The following CAMK1 variants were observed in gnomAD, a reference collection of about 807,000 sequenced individuals.
The protein encoded by CAMK1 is calcium/calmodulin dependent protein kinase I, also known as calcium/calmodulin-dependent protein kinase type 1.
Under a neutral mutation model 49.1 loss-of-function variants are expected in CAMK1, and 39 were observed. That is an observed-to-expected ratio of 0.79 (90% CI 0.62 to 1.04). CAMK1 has a LOEUF of 1.04. Ranked by LOEUF, CAMK1 falls within the 50% of genes least tolerant of loss-of-function variation. The probability of loss-of-function intolerance (pLI) is 0.00; values close to 1 mark genes in which losing one functional copy is unlikely to be tolerated. For missense variants in CAMK1, 457 were observed against 472.2 expected (o/e 0.97, Z 0.30); for synonymous variants, 192 against 185.2 (o/e 1.04, Z -0.30).
At chr3:9,761,172 G>C in intron 7 of CAMK1, 1 of 382,422 alleles carries the variant, frequency 2.6e-6, no homozygotes, top group African/African-American at 2.0e-5. Flanking sequence ...TCAGTTTGTA[G>C]ATTTATTTAC....
chr3:9,759,158 T>C, intron 10 of CAMK1: 1 of 1,535,328 alleles, frequency 6.5e-7, no homozygotes, highest in Non-Finnish European at 9.0e-7. Flanking sequence ...TATTCCGCTA[T>C]GCCTCACTAA....
At chr3:9,767,469 C>T (rs1001531576) in intron 2 of CAMK1, among the ~76,000 whole-genome samples, 198 bp downstream of exon 2, 2 of 152,202 alleles carry the variant, frequency 1.3e-5, no homozygotes, top group African/African-American at 4.8e-5. Flanking sequence ...CTTCAAGAAC[C>T]CAGGGCTATT....
At chr3:9,759,914 A>T (rs2077768049) in intron 8 of CAMK1, 164 bp from the exon 9 acceptor site, 4 of 1,090,000 alleles carry the variant, frequency 3.7e-6, no homozygotes, top group African/African-American at 1.6e-5. Context: ...AGGCCCTCCC[A>T]CCCCGTGCCT....
Position 9,760,764 on chromosome 3 carries a change from A to T in CAMK1, c.637T>A (p.Cys213Ser), listed in dbSNP as rs2077822299. Residue 213 changes from cysteine to serine, a missense_variant, in exon 8 of 12, where the codon TGC becomes AGC. Transcript: ENST00000256460. The stretch of plus-strand genomic sequence containing the variant: ...TCGTCATAGAAGGGAGGGTAACCGC[A>T]GAGCCTGGGCAGGGAGAAACTCATC... ...SIGVIAYILL[C>S]GYPPFYDEND... 1.2e-6 allele frequency: 2 copies of T among 1,614,034 alleles called. No homozygotes were observed. Among genetic ancestry groups the T allele is most frequent in the Non-Finnish European group, 1.7e-6 (2 of 1,179,920 alleles).
In CAMK1 at chr3:9,761,768, A is replaced by G; in HGVS notation, c.430-11T>C. On this transcript the variant is annotated splice_polypyrimidine_tract_variant and intron_variant, in intron 5 of 11. Coordinates refer to ENST00000256460, the MANE Select transcript of CAMK1 (RefSeq NM_003656.5). Reference sequence around the variant, plus strand: ...CAGCAGATTCTCTGGCTTGAAGGGCAGGAGGGAAGAGAAGGGGCAATCAGA... The same window carrying G: ...CAGCAGATTCTCTGGCTTGAAGGGCGGGAGGGAAGAGAAGGGGCAATCAGA... 1 of 1,613,742 alleles carries G rather than the reference A, an allele frequency of 6.2e-7. No individual in the cohort carries two copies. Among genetic ancestry groups the G allele is most frequent in the East Asian group, 2.2e-5 (1 of 44,886 alleles).
At chr3:9,760,893 C>G in intron 7 of CAMK1, 125 bp from the exon 8 acceptor site, 5 of 1,374,412 alleles carry the variant, frequency 3.6e-6, no homozygotes. Flanking sequence ...ATAAACTCTA[C>G]CAGCCCTGCC....
chr3:9,769,471 C>A (rs932675712), intron 1 of CAMK1, among the ~76,000 whole-genome samples: 4 of 151,978 alleles, frequency 2.6e-5, no homozygotes, highest in Non-Finnish European at 2.9e-5. Flanking sequence ...GAACAAAAAA[C>A]ACACAGATTC....
intron 10 of CAMK1, chr3:9,759,054 G>C (rs1575220411): frequency 2.5e-6 from 2 of 784,400 alleles, no homozygotes; most frequent in Non-Finnish European, 4.6e-6. Context: ...CCCCTTACCT[G>C]CTTCTCTAAA....
intron 3 of CAMK1, among the ~76,000 whole-genome samples, chr3:9,765,100 G>A (rs192709991): frequency 2.3e-4 from 35 of 151,808 alleles, no homozygotes; most frequent in African/African-American, 3.9e-4. Flanking sequence ...GGTGGCAGGT[G>A]CCTGTAATCC....
At chr3:9,760,907 T>G in intron 7 of CAMK1, 139 bp from the exon 8 acceptor site, 1 of 1,261,026 alleles carries the variant, frequency 7.9e-7, no homozygotes. Context: ...CCCTGCCTGC[T>G]CACTCCTGTT....
chr3:9,761,080 A>C, intron 7 of CAMK1: 2 of 354,564 alleles, frequency 5.6e-6, no homozygotes, highest in Non-Finnish European at 1.0e-5. Flanking sequence ...CCCTTCCCTG[A>C]CCTCCCTACT....
intron 3 of CAMK1, among the ~76,000 whole-genome samples, chr3:9,764,790 G>A (rs534986833): frequency 2.6e-5 from 4 of 151,748 alleles, no homozygotes; most frequent in East Asian, 2.0e-4. Flanking sequence ...GTGCCACCAC[G>A]CCTGGCTAAT....
Position 9,762,913 on chromosome 3 carries a change from C to T in CAMK1, c.429+1G>A. On this transcript the variant is annotated splice_donor_variant, in intron 5 of 11. Transcript: ENST00000256460. LOFTEE classifies it high-confidence loss of function. ...GCTCACCACACCCCCTTGAGCCCCA[C>T]CTTGAGATCCCGGTGTACAATGCCC... The T allele has an allele frequency of 1.2e-6, 2 of 1,614,100 alleles. No homozygotes were observed. The highest frequency in any genetic ancestry group is 1.7e-4 in the Middle Eastern group (1 of 6,036).
chr3:9,763,725 C>A (rs1045876426), intron 3 of CAMK1, among the ~76,000 whole-genome samples: 1 of 152,202 alleles, frequency 6.6e-6, no homozygotes, highest in Non-Finnish European at 1.5e-5. Context: ...GAGACTCACA[C>A]CTGTAATCCC....
At chr3:9,759,303 G>A in intron 10 of CAMK1, 185 bp downstream of exon 10, 1 of 1,587,800 alleles carries the variant, frequency 6.3e-7, no homozygotes, top group Non-Finnish European at 8.7e-7. Context: ...GACCCTCTCT[G>A]GAATAGAGAA....
chr3:9,761,752 C>T lies in CAMK1; in HGVS notation c.435G>A (p.Glu145=). 1 of 1,614,028 alleles carries T rather than the reference C, an allele frequency of 6.2e-7. No homozygotes were observed. The highest frequency in any genetic ancestry group is 2.2e-5 in the East Asian group (1 of 44,854). The change falls in exon 6 of 12, where the codon GAG becomes GAA. Residue 145 remains glutamate, a synonymous_variant. Transcript: ENST00000256460. Reference sequence around the variant, plus strand: ...CATCCAGGCTGTAGTACAGCAGATTCTCTGGCTTGAAGGGCAGGAGGGAAG... The same window carrying T: ...CATCCAGGCTGTAGTACAGCAGATTTTCTGGCTTGAAGGGCAGGAGGGAAG... ...LGIVHRDLKP[E]NLLYYSLDED...
At position 9,760,573 on chromosome 3, in the gene CAMK1, A is replaced by G. The variant is rs2077808935; in HGVS notation, c.745+83T>C. 5.9e-5 allele frequency: 82 copies of G among 1,387,300 alleles called. No homozygotes were observed. In the South Asian group the frequency reaches 8.1e-4, roughly 14 times the overall value. The allele number at this position is 1,387,300 out of a possible 1,614,324, so 85.9% of individuals were successfully genotyped here. ...GGTGCTGGAAAATCCGACAGAAGGA[A>G]GGCAGGAGGGAGACCGCCCCCAAAG... On this transcript the variant is annotated intron_variant, in intron 8 of 11. Transcript: ENST00000256460.
intron 8 of CAMK1, chr3:9,760,017 T>C (rs2077774933): frequency 5.2e-6 from 2 of 382,642 alleles, no homozygotes; most frequent in South Asian, 5.7e-5. Context: ...CCAATGCAGG[T>C]GGATCACGAG....
At chr3:9,758,030 ACG>A in intron 10 of CAMK1, 184 bp from the exon 11 acceptor site, 1 of 834,374 alleles carries the variant, frequency 1.2e-6, no homozygotes, top group Non-Finnish European at 1.8e-6. Flanking sequence ...ACACACACAC[ACG>A]CACATATGTT....
Sources: allele counts gnomAD v4.1 joint callset (sites outside exome capture counted in the v4.1 genomes callset), GRCh38; gene constraint gnomAD v4.1.1; transcripts MANE v1.5; gene names NCBI Gene and HGNC (gene_info 2026-07-23, HGNC 2026-07-21).